The following ENTREP2 variants were observed in gnomAD, a reference collection of about 807,000 sequenced individuals.
The protein encoded by ENTREP2 is protein ENTREP2.
the ENTREP2 span, among the ~76,000 whole-genome samples, chr15:29,639,951 T>A: frequency 6.6e-6 from 1 of 151,924 alleles, no homozygotes; most frequent in African/African-American, 2.4e-5. Context: ...GTATTTTTAG[T>A]AGAGATGGGG....
At chr15:29,385,560 CTGAG>C in the ENTREP2 span, among the ~76,000 whole-genome samples, 1 of 152,192 alleles carries the variant, frequency 6.6e-6, no homozygotes, top group Non-Finnish European at 1.5e-5. Flanking sequence ...ATGCTCTCCC[CTGAG>C]TAAGAATATG....
chr15:29,472,000 T>C, the ENTREP2 span, among the ~76,000 whole-genome samples: 2 of 151,608 alleles, frequency 1.3e-5, no homozygotes, highest in Admixed American at 1.3e-4. Context: ...GAGCAGAGGG[T>C]GGAACACAGC....
the ENTREP2 span, among the ~76,000 whole-genome samples, chr15:29,576,361 C>G: frequency 6.6e-6 from 1 of 152,164 alleles, no homozygotes; most frequent in Admixed American, 6.5e-5. Context: ...AGAGCAAAAA[C>G]TATGGAAGTC....
the ENTREP2 span, among the ~76,000 whole-genome samples, chr15:29,618,549 T>C: frequency 1.3e-5 from 2 of 152,188 alleles, no homozygotes; most frequent in Non-Finnish European, 2.9e-5. Context: ...CAGCCACTAA[T>C]AGAACAGAGA....
chr15:29,629,077 T>C, the ENTREP2 span, among the ~76,000 whole-genome samples: 1 of 152,142 alleles, frequency 6.6e-6, no homozygotes, highest in African/African-American at 2.4e-5. Flanking sequence ...CATTATGTAA[T>C]GTCCCTGGTA....
the ENTREP2 span, among the ~76,000 whole-genome samples, chr15:29,124,246 G>A: frequency 6.6e-6 from 1 of 152,280 alleles, no homozygotes; most frequent in South Asian, 2.1e-4. Context: ...CCTGTAAGAC[G>A]GCCAGCTCCG....
At chr15:29,196,323 C>A in the ENTREP2 span, 1 of 1,266,974 alleles carries the variant, frequency 7.9e-7, no homozygotes, top group Non-Finnish European at 1.1e-6. Flanking sequence ...CTGAACCTAC[C>A]CCGGGAAGTT....
chr15:29,533,491 C>T, the ENTREP2 span, among the ~76,000 whole-genome samples: 1 of 152,068 alleles, frequency 6.6e-6, no homozygotes, highest in Non-Finnish European at 1.5e-5. Context: ...TATTTTTCCC[C>T]AAAGTTAAAT....
the ENTREP2 span, among the ~76,000 whole-genome samples, chr15:29,518,513 A>G: frequency 6.6e-6 from 1 of 152,194 alleles, no homozygotes; most frequent in Admixed American, 6.5e-5. Flanking sequence ...TGCCATGGAC[A>G]TGAGGAGGGA....
At chr15:29,207,448 T>C in the ENTREP2 span, among the ~76,000 whole-genome samples, 1 of 34,142 alleles carries the variant, frequency 2.9e-5, no homozygotes, top group South Asian at 1.1e-3. Flanking sequence ...CGCTGCCGGT[T>C]GGGGGGCGGG....
chr15:29,269,149 A>T, the ENTREP2 span: 1 of 1,614,012 alleles, frequency 6.2e-7, no homozygotes. Flanking sequence ...CTTCATAAAG[A>T]TGAGCCCTAA....
the ENTREP2 span, among the ~76,000 whole-genome samples, chr15:29,446,015 G>T: frequency 1.3e-5 from 2 of 152,074 alleles, no homozygotes; most frequent in African/African-American, 2.4e-5. Context: ...TGAGAGTGAG[G>T]GCTGGAAAAA....
the ENTREP2 span, among the ~76,000 whole-genome samples, chr15:29,402,096 C>T: frequency 6.6e-6 from 1 of 151,950 alleles, no homozygotes; most frequent in African/African-American, 2.4e-5. Flanking sequence ...CTCTGCATAC[C>T]ATTGAACCTA....
chr15:29,371,349 AACACACACACACACACACACAC>A, the ENTREP2 span, among the ~76,000 whole-genome samples: 11 of 133,892 alleles, frequency 8.2e-5, no homozygotes, highest in African/African-American at 3.0e-4. Flanking sequence ...CACCCCCGCA[AACACACACACACACACACACAC>A]ACACACACAC....
At chr15:29,480,649 A>G in the ENTREP2 span, among the ~76,000 whole-genome samples, 75,329 of 151,984 alleles carry the variant, frequency 0.5, 19,511 homozygotes, top group African/African-American at 0.66. Flanking sequence ...GAGAGGAGGA[A>G]CGTCTAGGAG....
chr15:29,246,703 C>CA, the ENTREP2 span, among the ~76,000 whole-genome samples: 3,904 of 142,032 alleles, frequency 0.027, 164 homozygotes, highest in African/African-American at 0.094. Context: ...AACTCCATCT[C>CA]AAAAAAAAAA....
chr15:29,638,501 G>A, the ENTREP2 span, among the ~76,000 whole-genome samples: 2 of 152,182 alleles, frequency 1.3e-5, no homozygotes, highest in African/African-American at 4.8e-5. Context: ...ACATAATGAA[G>A]CTTATTCAGT....
chr15:29,137,731 G>A, the ENTREP2 span, among the ~76,000 whole-genome samples: 5 of 152,344 alleles, frequency 3.3e-5, no homozygotes, highest in African/African-American at 1.2e-4. Context: ...AGCTACTTGG[G>A]AGGCTGAGGC....
chr15:29,400,700 AC>A, the ENTREP2 span, among the ~76,000 whole-genome samples: 1 of 152,364 alleles, frequency 6.6e-6, no homozygotes. Flanking sequence ...CAATTTTAAG[AC>A]ATAATAGAAA....
Sources: allele counts gnomAD v4.1 joint callset (sites outside exome capture counted in the v4.1 genomes callset), GRCh38; gene constraint gnomAD v4.1.1; transcripts MANE v1.5; gene names NCBI Gene and HGNC (gene_info 2026-07-23, HGNC 2026-07-21).